ZNF441: variants seen among roughly 807,000 people sequenced by gnomAD.
The protein encoded by ZNF441 is zinc finger protein 441.
ZNF441 carries 25 observed loss-of-function variants against 64.5 expected under a neutral mutation model. The observed-to-expected ratio is 0.39, with a 90% CI of 0.28 to 0.54. The LOEUF (loss-of-function observed/expected upper bound fraction) is 0.54, where lower values mean the gene tolerates loss of function less well. Among genes scored for constraint, ZNF441 ranks in the 20% least tolerant of loss-of-function variants. The probability of loss-of-function intolerance (pLI) is 0.70; values close to 1 mark genes in which losing one functional copy is unlikely to be tolerated. For synonymous variants in ZNF441, 262 were observed against 268.0 expected (o/e 0.98, Z 0.22); for missense variants, 715 against 843.3 (o/e 0.85, Z 1.88).
rs374501236 is a variant in ZNF441 at position 11,767,400 on chromosome 19, C to T, written c.3+204C>T. On this transcript the variant is annotated intron_variant, in intron 1 of 3. Transcript: ENST00000357901. This position sits in a 1 kb window ranked among gnomAD's most constrained non-coding sequence, Gnocchi z 5.1. ...TCCCGTCCCTGCGCGGCCACTGCGG[C>T]CCTGGCCCTGGAGGCCTGTCTGGGC... is the stretch of plus-strand genomic sequence containing the variant. Among the ~76,000 whole-genome samples, 47 of 152,360 alleles carry T rather than the reference C, an allele frequency of 3.1e-4. No individual in the cohort carries two copies. The highest frequency in any genetic ancestry group is 1.1e-3 in the African/African-American group (47 of 41,578).
intron 1 of ZNF441, among the ~76,000 whole-genome samples, chr19:11,772,936 C>T (rs1314905407): frequency 2.0e-5 from 3 of 152,072 alleles, no homozygotes; most frequent in Non-Finnish European, 2.9e-5. Context: ...GAACTACAGG[C>T]GCCTGCCACC....
intron 2 of ZNF441, 79 bp from the exon 3 acceptor site, chr19:11,778,251 T>A: frequency 1.0e-6 from 1 of 986,560 alleles, no homozygotes; most frequent in South Asian, 1.5e-5. Flanking sequence ...TCATGCATGA[T>A]TGTAGTGTAC....
chr19:11,776,309 C>T (rs1437659245), intron 1 of ZNF441, among the ~76,000 whole-genome samples: 1 of 152,178 alleles, frequency 6.6e-6, no homozygotes, highest in Non-Finnish European at 1.5e-5. Context: ...ACAAAACTTT[C>T]CTACTATTTG....
rs1450761485 is a variant in ZNF441 at position 11,782,399 on chromosome 19, C to T, written c.*493C>T. 1 of 152,384 alleles carries T rather than the reference C, an allele frequency of 6.6e-6. No individual in the cohort carries two copies. Among genetic ancestry groups the T allele is most frequent in the African/African-American group, 2.4e-5 (1 of 41,458 alleles). The allele number at this position is 152,384 out of a possible 1,614,324, so 9.4% of individuals were successfully genotyped here. ...TTCAAGTCCCTGATATTAAAAACAG[C>T]ATATTTGCATATAATCTAGGCACAT... On this transcript the variant is annotated 3_prime_UTR_variant, in exon 4 of 4. Coordinates refer to ENST00000357901, the MANE Select transcript of ZNF441 (RefSeq NM_152355.3).
In ZNF441 at chr19:11,776,812, C is replaced by CT. The variant is rs35406332; in HGVS notation, c.4-786dup. On this transcript the variant is annotated intron_variant, in intron 1 of 3. Transcript: ENST00000357901. ...ACACAGTGACCAGAGTGTTTTTTCC[C>CT]TTTTTTTTTTTTTGAGGCGGAGTTT... is the stretch of plus-strand genomic sequence containing the variant. Among the ~76,000 whole-genome samples the CT allele has an allele frequency of 1.5e-3, 224 of 146,258 alleles. 1 individual carries two copies. The highest frequency in any genetic ancestry group is 0.013 in the South Asian group (61 of 4,618).
At position 11,767,182 on chromosome 19, in the gene ZNF441, G is replaced by A; in HGVS notation, c.-12G>A. The A allele has an allele frequency of 1.3e-6, 2 of 1,558,644 alleles. No homozygotes were observed. The highest frequency in any genetic ancestry group is 1.4e-5 in the African/African-American group (1 of 73,346). Reference sequence around the variant, plus strand: ...AGGCAGAGGGAGGAACCTGGACGCCGGAAGCCGGGAAATGGTGAGTGTGTG... The same window carrying A: ...AGGCAGAGGGAGGAACCTGGACGCCAGAAGCCGGGAAATGGTGAGTGTGTG... On this transcript the variant is annotated 5_prime_UTR_variant, in exon 1 of 4. Transcript: ENST00000357901. The surrounding 1 kb of genome is among the most constrained non-coding windows in gnomAD (Gnocchi z 5.1).
In ZNF441 at chr19:11,767,922, C is replaced by T. The variant is rs1253680580; in HGVS notation, c.3+726C>T. On this transcript the variant is annotated intron_variant, in intron 1 of 3. Coordinates refer to ENST00000357901, the MANE Select transcript of ZNF441 (RefSeq NM_152355.3). This position sits in a 1 kb window ranked among gnomAD's most constrained non-coding sequence, Gnocchi z 5.1. ...AGGGCACCTGGTTAATATCTAACTG[C>T]AATCTCGCCTCCAGCCTGGCTCGCA... Among the ~76,000 whole-genome samples the T allele has an allele frequency of 6.6e-6, 1 of 152,210 alleles. No individual in the cohort carries two copies. The highest frequency in any genetic ancestry group is 1.5e-5 in the Non-Finnish European group (1 of 68,038).
At chr19:11,771,599 C>G (rs1468537392) in intron 1 of ZNF441, among the ~76,000 whole-genome samples, 1 of 152,144 alleles carries the variant, frequency 6.6e-6, no homozygotes, top group African/African-American at 2.4e-5. Context: ...ATAATCATAA[C>G]CTACGAAAAA....
At chr19:11,776,370 T>G (rs1245531389) in intron 1 of ZNF441, among the ~76,000 whole-genome samples, 1 of 152,254 alleles carries the variant, frequency 6.6e-6, no homozygotes. Flanking sequence ...TACAGGGTAC[T>G]GAATATAATA....
In ZNF441 at chr19:11,767,254, C is replaced by G; in HGVS notation, c.3+58C>G. The G allele has an allele frequency of 6.4e-7, 1 of 1,552,094 alleles. No individual in the cohort carries two copies. The highest frequency in any genetic ancestry group is 8.7e-7 in the Non-Finnish European group (1 of 1,147,182). ...GAGAGGAGAGACTGGTTGGAACCGG[C>G]CGGAACCGGCTGTGGTGGCACCAGG... On this transcript the variant is annotated intron_variant, in intron 1 of 3. Transcript: ENST00000357901. This position sits in a 1 kb window ranked among gnomAD's most constrained non-coding sequence, Gnocchi z 5.1.
At chr19:11,772,055 T>C (rs1599268081) in intron 1 of ZNF441, among the ~76,000 whole-genome samples, 1 of 152,242 alleles carries the variant, frequency 6.6e-6, no homozygotes, top group Non-Finnish European at 1.5e-5. Flanking sequence ...GTCTCTGATA[T>C]GCAGAAATAA....
At chr19:11,773,039 C>T (rs988721743) in intron 1 of ZNF441, among the ~76,000 whole-genome samples, 23 of 152,204 alleles carry the variant, frequency 1.5e-4, no homozygotes, top group African/African-American at 5.1e-4. Context: ...GATTCGCCCG[C>T]CTCGGCCTCC....
intron 1 of ZNF441, among the ~76,000 whole-genome samples, chr19:11,771,868 CA>C (rs1975316754): frequency 6.6e-6 from 1 of 152,208 alleles, no homozygotes; most frequent in Admixed American, 6.5e-5. Flanking sequence ...ACTGCTCCTC[CA>C]CCTCTTGTGG....
intron 1 of ZNF441, among the ~76,000 whole-genome samples, chr19:11,774,543 T>C (rs1253599082): frequency 6.6e-6 from 1 of 152,218 alleles, no homozygotes; most frequent in African/African-American, 2.4e-5. Context: ...CTCACATCTG[T>C]TGAACATCTA....
In ZNF441 at chr19:11,783,117, A is replaced by G. The variant is rs1050802454; in HGVS notation, c.*1211A>G. On this transcript the variant is annotated 3_prime_UTR_variant, in exon 4 of 4. Coordinates refer to ENST00000357901, the MANE Select transcript of ZNF441 (RefSeq NM_152355.3). ...AACAGCAAAAAATATAAATAATCCCATTAAAGTGGGAAAAGGATGTGAACA... is the reference window on the plus strand; with the variant it reads ...AACAGCAAAAAATATAAATAATCCCGTTAAAGTGGGAAAAGGATGTGAACA... 1.3e-5 allele frequency: 2 copies of G among 152,196 alleles called. No homozygotes were observed. Among genetic ancestry groups the G allele is most frequent in the African/African-American group, 4.8e-5 (2 of 41,458 alleles). 9.4% of individuals were successfully genotyped at this position (152,196 alleles called of 1,614,324 possible).
chr19:11,779,888 G>A, intron 3 of ZNF441, 131 bp from the exon 4 acceptor site: 1 of 803,160 alleles, frequency 1.2e-6, no homozygotes, highest in Non-Finnish European at 1.9e-6. Flanking sequence ...TCCAGCCTGG[G>A]CAACAGAGCG....
At chr19:11,775,205 A>G (rs574791375) in intron 1 of ZNF441, among the ~76,000 whole-genome samples, 3 of 152,212 alleles carry the variant, frequency 2.0e-5, no homozygotes, top group African/African-American at 4.8e-5. Context: ...TGTTTTACCA[A>G]ACTGAGAGAT....
At chr19:11,776,395 T>C (rs959207324) in intron 1 of ZNF441, among the ~76,000 whole-genome samples, 10 of 152,232 alleles carry the variant, frequency 6.6e-5, no homozygotes, top group African/African-American at 2.2e-4. Context: ...CACCATACTT[T>C]ATCTGTTTTT....
chr19:11,783,951 A>T lies in ZNF441; in HGVS notation c.*2045A>T, dbSNP rs1975424677. ...ATAGAAGTGGTAAATACTCAAGATC[A>T]TGGATACCCCAAATACGCTGACTTG... On this transcript the variant is annotated 3_prime_UTR_variant, in exon 4 of 4. Transcript: ENST00000357901. The T allele has an allele frequency of 6.6e-6, 1 of 152,238 alleles. No individual in the cohort carries two copies. Among genetic ancestry groups the T allele is most frequent in the Non-Finnish European group, 1.5e-5 (1 of 68,036 alleles). 9.4% of individuals were successfully genotyped at this position (152,238 alleles called of 1,614,324 possible). A position where few individuals can be genotyped will look rare whatever the true frequency, so the allele number is the denominator to read the frequency against.
Sources: allele counts gnomAD v4.1 joint callset (sites outside exome capture counted in the v4.1 genomes callset), GRCh38; gene constraint gnomAD v4.1.1; non-coding constraint Gnocchi (gnomAD v3.1); transcripts MANE v1.5; gene names NCBI Gene and HGNC (gene_info 2026-07-23, HGNC 2026-07-21).